The following CERS6 variants were observed in gnomAD, a reference collection of about 807,000 sequenced individuals.
The protein encoded by CERS6 is ceramide synthase 6.
A neutral mutation model predicts 56.8 loss-of-function variants in CERS6; 26 were observed. That is an observed-to-expected ratio of 0.46 (90% CI 0.34 to 0.63). The LOEUF (loss-of-function observed/expected upper bound fraction) is 0.63. Ranked by LOEUF, CERS6 falls within the 30% of genes least tolerant of loss-of-function variation. The pLI, the probability that CERS6 is intolerant of heterozygous loss-of-function variation, is 0.01. For missense variants in CERS6, 415 were observed against 467.5 expected (o/e 0.89, Z 1.04); for synonymous variants, 164 against 173.3 (o/e 0.95, Z 0.42).
chr2:168,552,349 TAC>T (rs56340726), intron 2 of CERS6, among the ~76,000 whole-genome samples: 21,012 of 139,584 alleles, frequency 0.15, 1,593 homozygotes, highest in African/African-American at 0.21. Context: ...ATACAGAGTA[TAC>T]ACACACACAC....
intron 1 of CERS6, among the ~76,000 whole-genome samples, chr2:168,489,407 A>G (rs1486642109): frequency 6.7e-6 from 1 of 150,292 alleles, no homozygotes; most frequent in Non-Finnish European, 1.5e-5. Flanking sequence ...TGCATTTGTA[A>G]ATTTGTGTCT....
At chr2:168,585,305 A>G (rs934384093) in intron 3 of CERS6, among the ~76,000 whole-genome samples, 2 of 152,286 alleles carry the variant, frequency 1.3e-5, no homozygotes, top group Non-Finnish European at 2.9e-5. Flanking sequence ...TTCATCAAGC[A>G]CATATCATAT....
At chr2:168,671,130 T>G (rs749310018) in intron 4 of CERS6, among the ~76,000 whole-genome samples, 1 of 151,832 alleles carries the variant, frequency 6.6e-6, no homozygotes, top group East Asian at 1.9e-4. Flanking sequence ...CTAGCTAATT[T>G]TTGTATTTTT....
At chr2:168,467,870 T>TG (rs899797227) in intron 1 of CERS6, among the ~76,000 whole-genome samples, 5 of 152,064 alleles carry the variant, frequency 3.3e-5, no homozygotes, top group African/African-American at 9.7e-5. Context: ...GGTATATGTG[T>TG]GGGGGGGCCC....
chr2:168,621,934 T>C (rs1347136829), intron 3 of CERS6, among the ~76,000 whole-genome samples: 2 of 152,214 alleles, frequency 1.3e-5, no homozygotes, highest in Admixed American at 6.5e-5. Context: ...GAACAAGTCA[T>C]ATGACGTTTC....
chr2:168,675,923 G>A (rs753641616), intron 4 of CERS6, among the ~76,000 whole-genome samples: 1 of 152,054 alleles, frequency 6.6e-6, no homozygotes, highest in Non-Finnish European at 1.5e-5. Context: ...TTGACCTTGT[G>A]ATCTGCCCAC....
intron 3 of CERS6, among the ~76,000 whole-genome samples, chr2:168,589,060 A>G (rs1464030564): frequency 6.6e-6 from 1 of 152,202 alleles, no homozygotes; most frequent in Non-Finnish European, 1.5e-5. Flanking sequence ...TCTTTTGGGT[A>G]TATAGAAGTG....
At chr2:168,487,723 AT>A (rs1485381873) in intron 1 of CERS6, among the ~76,000 whole-genome samples, 1 of 152,012 alleles carries the variant, frequency 6.6e-6, no homozygotes, top group Non-Finnish European at 1.5e-5. Context: ...TGATTTTTTA[AT>A]TTTAATTTTT....
intron 1 of CERS6, among the ~76,000 whole-genome samples, chr2:168,534,163 A>C (rs1695216926): frequency 6.6e-6 from 1 of 152,030 alleles, no homozygotes; most frequent in African/African-American, 2.4e-5. Flanking sequence ...GGGTTAGAAC[A>C]TGCTCCTTCA....
At chr2:168,707,413 A>G (rs1366654081) in intron 6 of CERS6, among the ~76,000 whole-genome samples, 1 of 152,198 alleles carries the variant, frequency 6.6e-6, no homozygotes, top group Non-Finnish European at 1.5e-5. Flanking sequence ...GGACTCCTCC[A>G]CCTTATAATG....
chr2:168,558,081 T>C (rs973471849), intron 2 of CERS6, among the ~76,000 whole-genome samples: 2 of 152,220 alleles, frequency 1.3e-5, no homozygotes, highest in African/African-American at 2.4e-5. Flanking sequence ...AGATCCTGTT[T>C]TATGTATTAG....
At chr2:168,488,350 G>T (rs1188325943) in intron 1 of CERS6, among the ~76,000 whole-genome samples, 4 of 152,092 alleles carry the variant, frequency 2.6e-5, no homozygotes, top group African/African-American at 9.7e-5. Context: ...GATTTTGGAT[G>T]AAATTAATAT....
At chr2:168,768,324 G>A (rs1684774254) in intron 9 of CERS6, among the ~76,000 whole-genome samples, 2 of 151,570 alleles carry the variant, frequency 1.3e-5, no homozygotes, top group African/African-American at 2.4e-5. Flanking sequence ...CCACTTCCTG[G>A]GCTCAAGCAA....
chr2:168,771,679 C>G lies in CERS6; in HGVS notation c.*2017C>G, dbSNP rs1290871425. On this transcript the variant is annotated 3_prime_UTR_variant, in exon 10 of 10. Transcript: ENST00000305747. Reference sequence around the variant, plus strand: ...GAACATATTTAGCTTGCTTTAGTGTCTGGGGCAAGTCCTCTCAATGGCTAA... The same window carrying G: ...GAACATATTTAGCTTGCTTTAGTGTGTGGGGCAAGTCCTCTCAATGGCTAA... The G allele has an allele frequency of 6.6e-6, 1 of 152,162 alleles. No individual in the cohort carries two copies. Among genetic ancestry groups the G allele is most frequent in the Non-Finnish European group, 1.5e-5 (1 of 68,032 alleles). 9.4% of individuals were successfully genotyped at this position (152,162 alleles called of 1,614,324 possible).
intron 4 of CERS6, among the ~76,000 whole-genome samples, chr2:168,648,305 C>T (rs1472227087): frequency 2.0e-5 from 3 of 151,944 alleles, no homozygotes; most frequent in East Asian, 1.9e-4. Context: ...AGTTTGTGTG[C>T]GCAAAGGTGT....
At chr2:168,592,827 A>G (rs1416033355) in intron 3 of CERS6, among the ~76,000 whole-genome samples, 1 of 152,198 alleles carries the variant, frequency 6.6e-6, no homozygotes, top group African/African-American at 2.4e-5. Context: ...TATGTATATT[A>G]GTTCCTACTG....
rs116340035 is a variant in CERS6, at chr2:168,713,385, C to T, written c.610-1616C>T. ...GGGAATAGACCTCTTCCTCCAGAGGCTTCAAATAGAGCAACATTAGGGTCA... is the reference window on the plus strand; with the variant it reads ...GGGAATAGACCTCTTCCTCCAGAGGTTTCAAATAGAGCAACATTAGGGTCA... On this transcript the variant is annotated intron_variant, in intron 6 of 9. Coordinates refer to ENST00000305747, the MANE Select transcript of CERS6 (RefSeq NM_203463.3). 8.9e-3 allele frequency among the ~76,000 whole-genome samples: 1,358 copies of T among 152,212 alleles called. 21 individuals carry two copies. Among genetic ancestry groups the T allele is most frequent in the African/African-American group, 0.031 (1,288 of 41,516 alleles).
intron 2 of CERS6, among the ~76,000 whole-genome samples, chr2:168,548,282 G>A (rs1463777088): frequency 6.6e-6 from 1 of 152,112 alleles, no homozygotes; most frequent in Non-Finnish European, 1.5e-5. Flanking sequence ...TCAATCTGGT[G>A]GGAGCTGAAG....
Position 168,477,702 on chromosome 2 carries a change from A to T in CERS6, c.170+21084A>T, listed in dbSNP as rs149815731. Among the ~76,000 whole-genome samples the T allele has an allele frequency of 3.8e-3, 574 of 152,270 alleles. 1 individual carries two copies. The highest frequency in any genetic ancestry group is 0.013 in the African/African-American group (532 of 41,546). ...GCTGGGTCTGTTTGAATTTTGATAG[A>T]TATTGGAGAATTGTCCCCTTAGGGG... is the stretch of plus-strand genomic sequence containing the variant. On this transcript the variant is annotated intron_variant, in intron 1 of 9. Coordinates refer to ENST00000305747, the MANE Select transcript of CERS6 (RefSeq NM_203463.3).
Sources: allele counts gnomAD v4.1 joint callset (sites outside exome capture counted in the v4.1 genomes callset), GRCh38; gene constraint gnomAD v4.1.1; transcripts MANE v1.5; gene names NCBI Gene and HGNC (gene_info 2026-07-23, HGNC 2026-07-21).